The following TMEM132C variants were observed in gnomAD, a reference collection of about 807,000 sequenced individuals.
TMEM132C encodes the protein transmembrane protein 132C.
In TMEM132C, 29 loss-of-function variants were observed where a neutral mutation model predicts 61.4. The observed-to-expected ratio is 0.47, with a 90% CI of 0.35 to 0.64. The LOEUF is 0.64. TMEM132C is among the 30% of genes least tolerant of loss of function. TMEM132C has a pLI of 0.00. For missense variants in TMEM132C, 1,408 were observed against 1,476.9 expected (o/e 0.95, Z 0.76); for synonymous variants, 656 against 633.1 (o/e 1.04, Z -0.54).
Position 128,415,129 on chromosome 12 carries a change from C to A in TMEM132C, c.483C>A (p.His161Gln). 1 of 1,609,356 alleles carries A rather than the reference C, an allele frequency of 6.2e-7. No homozygotes were observed. The change falls in exon 2 of 9, where the codon CAC (histidine) becomes CAA (glutamine). Residue 161 changes from histidine (H) to glutamine (Q), a missense_variant. Physicochemically the swap from His to Gln is conservative, Grantham distance 24. Transcript: ENST00000435159. The surrounding 1 kb of genome is among the most constrained non-coding windows in gnomAD (Gnocchi z 5.8). ...FHIMGRDWDD[H>Q]GAGEKLPCLR... ...TCATGGGCAGAGACTGGGATGACCA[C>A]GGCGCCGGGGAGAAGCTGCCATGCC...
intron 1 of TMEM132C, among the ~76,000 whole-genome samples, chr12:128,361,246 A>G (rs1210361124): frequency 6.6e-6 from 1 of 152,208 alleles, no homozygotes; most frequent in Non-Finnish European, 1.5e-5. Context: ...CTGTGTTGCT[A>G]CAAAGCAGAG....
rs533267981 is a variant in TMEM132C at position 128,373,878 on chromosome 12, G to T, written c.86-40854G>T. Among the ~76,000 whole-genome samples the T allele has an allele frequency of 7.2e-5, 11 of 152,340 alleles. No individual in the cohort carries two copies. In the South Asian group the frequency reaches 2.3e-3, roughly 32 times the overall value. ...CAGGGGCAAGGCCAGAGATGGCCTT[G>T]CGTGCTGCACTTCAGCTTAGATTCC... On this transcript the variant is annotated intron_variant, in intron 1 of 8. Transcript: ENST00000435159.
chr12:128,552,812 G>T (rs914762288), intron 3 of TMEM132C, among the ~76,000 whole-genome samples: 2 of 152,108 alleles, frequency 1.3e-5, no homozygotes, highest in Non-Finnish European at 2.9e-5. Context: ...GGAGGCTAAG[G>T]CAGGAGAATG....
At chr12:128,291,828 T>C (rs948412555) in intron 1 of TMEM132C, among the ~76,000 whole-genome samples, 1 of 152,312 alleles carries the variant, frequency 6.6e-6, no homozygotes, top group East Asian at 1.9e-4. Context: ...AGGAGGGAGA[T>C]TGAAGTGGGG....
At chr12:128,299,789 A>G (rs1871538027) in intron 1 of TMEM132C, among the ~76,000 whole-genome samples, 1 of 152,104 alleles carries the variant, frequency 6.6e-6, no homozygotes, top group South Asian at 2.1e-4. Flanking sequence ...CCTTTCCTCC[A>G]GGTCTTCACT....
intron 1 of TMEM132C, among the ~76,000 whole-genome samples, chr12:128,333,779 G>C (rs559795031): frequency 7.9e-5 from 12 of 151,016 alleles, no homozygotes; most frequent in Admixed American, 3.3e-4. Flanking sequence ...GGTATGTATG[G>C]TGTATATATG....
intron 2 of TMEM132C, among the ~76,000 whole-genome samples, chr12:128,524,012 CAAA>C (rs55999607): frequency 1.5e-5 from 2 of 135,312 alleles, no homozygotes; most frequent in Non-Finnish European, 3.1e-5. Context: ...GACGCCATCT[CAAA>C]AAAAAAAAAA....
chr12:128,417,221 C>T (rs916153341), intron 2 of TMEM132C, among the ~76,000 whole-genome samples: 1 of 152,102 alleles, frequency 6.6e-6, no homozygotes, highest in East Asian at 1.9e-4. Context: ...CTATCCCTGG[C>T]TTTGGAAGCT....
At chr12:128,504,554 C>T (rs1872292884) in intron 2 of TMEM132C, among the ~76,000 whole-genome samples, 1 of 152,088 alleles carries the variant, frequency 6.6e-6, no homozygotes, top group African/African-American at 2.4e-5. Flanking sequence ...AAGGAGCCGG[C>T]AGGGTTCTTT....
chr12:128,657,251 T>C (rs1004763942), intron 4 of TMEM132C, among the ~76,000 whole-genome samples: 10 of 152,118 alleles, frequency 6.6e-5, no homozygotes, highest in African/African-American at 2.4e-4. Context: ...CCCCCAAAGA[T>C]ACATACAGAA....
At chr12:128,422,830 C>T (rs1488428408) in intron 2 of TMEM132C, among the ~76,000 whole-genome samples, 1 of 152,128 alleles carries the variant, frequency 6.6e-6, no homozygotes, top group Non-Finnish European at 1.5e-5. Context: ...GTCTGACAAC[C>T]AAAATGTCTC....
At chr12:128,648,299 T>A in intron 4 of TMEM132C, among the ~76,000 whole-genome samples, 1 of 149,258 alleles carries the variant, frequency 6.7e-6, no homozygotes, top group African/African-American at 2.5e-5. Flanking sequence ...TTTACTGGAG[T>A]CCATTAGCAT....
intron 4 of TMEM132C, among the ~76,000 whole-genome samples, chr12:128,636,282 G>A (rs537871155): frequency 2.4e-4 from 37 of 152,114 alleles, no homozygotes; most frequent in Admixed American, 2.4e-3. Context: ...CAAATTCCTG[G>A]GTCAAGCCAT....
chr12:128,433,843 C>T (rs1869482579), intron 2 of TMEM132C, among the ~76,000 whole-genome samples: 1 of 152,216 alleles, frequency 6.6e-6, no homozygotes, highest in Non-Finnish European at 1.5e-5. Flanking sequence ...GATGCCTAGG[C>T]AAAAGGGCCA....
chr12:128,419,069 C>T lies in TMEM132C; in HGVS notation c.974+3449C>T, dbSNP rs183397348. ...CTACAGCAGTGAATGAAACAGGCAACACTTCCTGCCCAAGTGAAGCTTATG... is the reference window on the plus strand; with the variant it reads ...CTACAGCAGTGAATGAAACAGGCAATACTTCCTGCCCAAGTGAAGCTTATG... On this transcript the variant is annotated intron_variant, in intron 2 of 8. Coordinates refer to ENST00000435159, the MANE Select transcript of TMEM132C (RefSeq NM_001136103.3). Among the ~76,000 whole-genome samples the T allele has an allele frequency of 3.9e-5, 6 of 152,140 alleles. No individual in the cohort carries two copies. In the East Asian group the frequency reaches 5.8e-4, roughly 15 times the overall value.
chr12:128,339,140 G>A (rs1769397579), intron 1 of TMEM132C, among the ~76,000 whole-genome samples: 1 of 152,070 alleles, frequency 6.6e-6, no homozygotes, highest in African/African-American at 2.4e-5. Context: ...TTGGGGGCTG[G>A]GGGTTCCCTC....
At chr12:128,537,831 T>A (rs150234351) in intron 2 of TMEM132C, among the ~76,000 whole-genome samples, 2 of 152,366 alleles carry the variant, frequency 1.3e-5, no homozygotes, top group Non-Finnish European at 2.9e-5. Context: ...AATAGTAATA[T>A]GCCTATATCA....
intron 1 of TMEM132C, among the ~76,000 whole-genome samples, chr12:128,272,566 A>T (rs1422783866): frequency 6.6e-6 from 1 of 152,244 alleles, no homozygotes; most frequent in Non-Finnish European, 1.5e-5. Context: ...GACTGTATAT[A>T]TAACTTCATA....
At chr12:128,613,228 G>GTACTGGTAC (rs1876691356) in intron 3 of TMEM132C, among the ~76,000 whole-genome samples, 1 of 152,236 alleles carries the variant, frequency 6.6e-6, no homozygotes, top group African/African-American at 2.4e-5. Context: ...GACAGCACCA[G>GTACTGGTAC]TACTGGTACC....
Sources: allele counts gnomAD v4.1 joint callset (sites outside exome capture counted in the v4.1 genomes callset), GRCh38; gene constraint gnomAD v4.1.1; non-coding constraint Gnocchi (gnomAD v3.1); transcripts MANE v1.5; gene names NCBI Gene and HGNC (gene_info 2026-07-23, HGNC 2026-07-21).